The following ZNF33B variants were observed in gnomAD, a reference collection of about 807,000 sequenced individuals.
ZNF33B encodes the protein zinc finger protein 33B, also known as zinc finger protein 11b (KOX 2).
Under a neutral mutation model 45.8 loss-of-function variants are expected in ZNF33B, and 29 were observed. The ratio of observed to expected loss-of-function variants is 0.63; its 90% CI spans 0.47 to 0.86. The LOEUF (loss-of-function observed/expected upper bound fraction) is 0.86, where lower values mean the gene tolerates loss of function less well. Among genes scored for constraint, ZNF33B ranks in the 40% least tolerant of loss-of-function variants. The pLI is 0.00. For synonymous variants in ZNF33B, 305 were observed against 307.8 expected, an observed-to-expected ratio of 0.99 and a Z score of 0.10; for missense variants, 831 against 909.9, an observed-to-expected ratio of 0.91 and a Z score of 1.12.
chr10:42,593,401 T>C lies in ZNF33B; in HGVS notation c.1549A>G (p.Ile517Val). The change falls in exon 5 of 5, where the codon ATA becomes GTA. Residue 517 changes from isoleucine (I) to valine (V), a missense_variant. Transcript: ENST00000359467. ...TAAGGTTTCAACCCTGTATGAATTA[T>C]CTGATGCCTGGTGAGTACTGACTTG... ...YHKSVLTRHQ[I>V]IHTGLKPYEC... 3.1e-6 allele frequency: 5 copies of C among 1,614,038 alleles called. No individual in the cohort carries two copies. The South Asian group carries it at 4.4e-5, about 14-fold the overall frequency.
intron 2 of ZNF33B, 142 bp from the exon 3 acceptor site, chr10:42,632,581 T>C (rs1839110881): frequency 5.2e-6 from 6 of 1,150,420 alleles, no homozygotes; most frequent in Admixed American, 3.1e-5. Flanking sequence ...CATTAATGCA[T>C]TAAGATATTA....
chr10:42,636,945 A>G lies in ZNF33B; in HGVS notation c.-17T>C. On this transcript the variant is annotated 5_prime_UTR_variant, in exon 2 of 5. Transcript: ENST00000359467. ...CTTGTTCATTTTGTTCTGTTCTTGG[A>G]AAGACGGAGACAACTCTGAAGATAC... is the stretch of plus-strand genomic sequence containing the variant. The G allele has an allele frequency of 6.2e-7, 1 of 1,614,234 alleles. No homozygotes were observed.
chr10:42,584,139 T>A (rs1400662272), downstream of ZNF33B, among the ~76,000 whole-genome samples: 2 of 152,222 alleles, frequency 1.3e-5, no homozygotes, highest in African/African-American at 2.4e-5. Flanking sequence ...CCAGTCCACC[T>A]GAGTTGTGCC....
intron 4 of ZNF33B, among the ~76,000 whole-genome samples, chr10:42,629,913 T>C (rs1482386570): frequency 6.6e-6 from 1 of 152,212 alleles, no homozygotes; most frequent in Non-Finnish European, 1.5e-5. Context: ...CCACTTCAAG[T>C]GAAATGTACC....
Position 42,590,212 on chromosome 10 carries a change from C to T in ZNF33B, c.*2401G>A, listed in dbSNP as rs1461501254. 6.6e-6 allele frequency: 1 copy of T among 151,372 alleles called. No individual in the cohort carries two copies. Among genetic ancestry groups the T allele is most frequent in the African/African-American group, 2.4e-5 (1 of 40,960 alleles). 9.4% of individuals were successfully genotyped at this position (151,372 alleles called of 1,614,324 possible). On this transcript the variant is annotated 3_prime_UTR_variant, in exon 5 of 5. Transcript: ENST00000359467. ...TTTTCCTTTCTTGTAATGTTTTTGCCTGGCTTTGGTATTAGGGTAATCCTG... is the reference window on the plus strand; with the variant it reads ...TTTTCCTTTCTTGTAATGTTTTTGCTTGGCTTTGGTATTAGGGTAATCCTG...
At chr10:42,577,781 G>A (rs1272625728) in intron 1 of ZNF33B, among the ~76,000 whole-genome samples, 4 of 152,314 alleles carry the variant, frequency 2.6e-5, no homozygotes, top group African/African-American at 9.6e-5. Flanking sequence ...TGTAGATAAT[G>A]TATGCTTATT....
intron 4 of ZNF33B, among the ~76,000 whole-genome samples, chr10:42,595,732 GCA>G (rs1837372458): frequency 6.6e-6 from 1 of 152,132 alleles, no homozygotes; most frequent in African/African-American, 2.4e-5. Context: ...CTGGTCATAT[GCA>G]CAGAGAAAAG....
intron 4 of ZNF33B, among the ~76,000 whole-genome samples, chr10:42,597,904 G>C (rs927816654): frequency 1.3e-5 from 2 of 151,988 alleles, no homozygotes; most frequent in African/African-American, 4.8e-5. Flanking sequence ...TCTTGTACAA[G>C]AAACCAAAAA....
At chr10:42,584,911 T>C (rs1303577888), downstream of ZNF33B, among the ~76,000 whole-genome samples, 9 of 152,318 alleles carry the variant, frequency 5.9e-5, no homozygotes, top group East Asian at 1.4e-3. Flanking sequence ...GAACCCTCCA[T>C]GGCCTGCAGC....
chr10:42,600,925 TC>T (rs34604661), intron 4 of ZNF33B, among the ~76,000 whole-genome samples: 41,460 of 152,092 alleles, frequency 0.27, 6,890 homozygotes, highest in Non-Finnish European at 0.38. Flanking sequence ...CTGTTCTTCA[TC>T]CCCCTGAGTA....
At chr10:42,635,633 A>T (rs1056961776) in intron 2 of ZNF33B, among the ~76,000 whole-genome samples, 45 of 151,450 alleles carry the variant, frequency 3.0e-4, no homozygotes, top group Non-Finnish European at 2.5e-4. Context: ...AACATGGTGA[A>T]ACCCTGTCTC....
intron 2 of ZNF33B, among the ~76,000 whole-genome samples, chr10:42,636,019 C>G (rs1393017527): frequency 1.1e-4 from 16 of 151,892 alleles, no homozygotes; most frequent in Non-Finnish European, 1.9e-4. Flanking sequence ...GTCCCAGCTA[C>G]TCGGGAGGCT....
intron 1 of ZNF33B, chr10:42,582,268 C>T (rs1011285948): frequency 6.6e-6 from 1 of 152,124 alleles, no homozygotes; most frequent in African/African-American, 2.4e-5. Context: ...AATGAATGAA[C>T]TCTGGGGTAT....
chr10:42,583,651 G>C (rs780049082), intron 1 of ZNF33B, among the ~76,000 whole-genome samples: 12 of 152,086 alleles, frequency 7.9e-5, no homozygotes, highest in Non-Finnish European at 1.6e-4. Context: ...AATAGTCTAT[G>C]GTCTCCACTT....
intron 2 of ZNF33B, among the ~76,000 whole-genome samples, chr10:42,633,951 CAA>C (rs1040222971): frequency 1.5e-4 from 20 of 131,884 alleles, no homozygotes; most frequent in African/African-American, 5.6e-4. Flanking sequence ...GCCTGGGTAA[CAA>C]GAGCAAAACT....
intron 1 of ZNF33B, chr10:42,581,665 G>C (rs1278532017): frequency 6.6e-6 from 1 of 152,088 alleles, no homozygotes; most frequent in Non-Finnish European, 1.5e-5. Flanking sequence ...CTTCTTTCCT[G>C]ATCATATTTG....
At chr10:42,578,336 G>A (rs1836777729) in intron 1 of ZNF33B, among the ~76,000 whole-genome samples, 1 of 152,220 alleles carries the variant, frequency 6.6e-6, no homozygotes, top group African/African-American at 2.4e-5. Flanking sequence ...GCACAGCACT[G>A]GGGTATCTGG....
chr10:42,636,000 A>C lies in ZNF33B; in HGVS notation c.9+920T>G, dbSNP rs1466862303. On this transcript the variant is annotated intron_variant, in intron 2 of 4. Coordinates refer to ENST00000359467, the MANE Select transcript of ZNF33B (RefSeq NM_006955.3). ...AAAAATTAGCCAGGTATGGTGGTGCACGCCTGTAGTCCCAGCTACTCGGGA... is the reference window on the plus strand; with the variant it reads ...AAAAATTAGCCAGGTATGGTGGTGCCCGCCTGTAGTCCCAGCTACTCGGGA... Among the ~76,000 whole-genome samples, 3 of 151,786 alleles carry C rather than the reference A, an allele frequency of 2.0e-5. No homozygotes were observed. The East Asian group carries it at 5.8e-4, about 29-fold the overall frequency.
intron 4 of ZNF33B, among the ~76,000 whole-genome samples, chr10:42,602,477 A>C (rs192602224): frequency 6.6e-6 from 1 of 152,132 alleles, no homozygotes; most frequent in South Asian, 2.1e-4. Context: ...ATGTTTTCCC[A>C]TATGTCTGTA....
Sources: allele counts gnomAD v4.1 joint callset (sites outside exome capture counted in the v4.1 genomes callset), GRCh38; gene constraint gnomAD v4.1.1; transcripts MANE v1.5; gene names NCBI Gene and HGNC (gene_info 2026-07-23, HGNC 2026-07-21).